DPP10: variants seen among roughly 807,000 people sequenced by gnomAD.
The protein encoded by DPP10 is dipeptidyl peptidase like 10.
A neutral mutation model predicts 120.9 loss-of-function variants in DPP10; 33 were observed. The observed-to-expected ratio is 0.27, with a 90% confidence interval of 0.21 to 0.37. DPP10 has a LOEUF of 0.37. Ranked by LOEUF, DPP10 falls within the 10% of genes least tolerant of loss-of-function variation. The pLI, the probability that DPP10 is intolerant of heterozygous loss-of-function variation, is 1.00. For missense variants in DPP10, 816 were observed against 942.8 expected (o/e 0.87, Z 1.76); for synonymous variants, 337 against 326.1 (o/e 1.03, Z -0.36).
intron 5 of DPP10, among the ~76,000 whole-genome samples, chr2:115,628,547 T>C (rs1442582490): frequency 1.3e-5 from 2 of 152,194 alleles, no homozygotes; most frequent in African/African-American, 4.8e-5. Context: ...TAATTTTTTC[T>C]TTTGTTGTAA....
At chr2:114,771,626 G>A (rs1226405247) in intron 1 of DPP10, among the ~76,000 whole-genome samples, 1 of 152,198 alleles carries the variant, frequency 6.6e-6, no homozygotes, top group Non-Finnish European at 1.5e-5. Flanking sequence ...GTGAATAGAA[G>A]GAAGGAGGCT....
intron 1 of DPP10, among the ~76,000 whole-genome samples, chr2:114,708,859 G>A (rs924450752): frequency 5.9e-5 from 9 of 152,074 alleles, no homozygotes; most frequent in Non-Finnish European, 1.2e-4. Context: ...GGGTTCAAGC[G>A]ATTCTCCGGC....
At chr2:114,507,917 G>A (rs1683812041) in intron 1 of DPP10, among the ~76,000 whole-genome samples, 3 of 152,154 alleles carry the variant, frequency 2.0e-5, no homozygotes, top group Admixed American at 2.0e-4. Context: ...GTATCCATAA[G>A]CATAGTAATT....
chr2:115,207,801 G>A (rs1478015151), intron 1 of DPP10, among the ~76,000 whole-genome samples: 4 of 151,878 alleles, frequency 2.6e-5, no homozygotes, highest in African/African-American at 9.7e-5. Context: ...TTTTTTTCAG[G>A]GTTATGCGAA....
intron 1 of DPP10, among the ~76,000 whole-genome samples, chr2:115,295,524 T>C (rs542134255): frequency 6.6e-6 from 1 of 152,178 alleles, no homozygotes; most frequent in East Asian, 1.9e-4. Flanking sequence ...ACACACAAAT[T>C]CTTAATATTT....
At chr2:114,805,976 C>G (rs1684687693) in intron 1 of DPP10, among the ~76,000 whole-genome samples, 2 of 152,168 alleles carry the variant, frequency 1.3e-5, no homozygotes, top group African/African-American at 4.8e-5. Context: ...TGAAAGGGCT[C>G]AAAACCTGGC....
intron 1 of DPP10, among the ~76,000 whole-genome samples, chr2:115,079,060 A>G (rs1402234180): frequency 1.3e-5 from 2 of 151,946 alleles, no homozygotes; most frequent in African/African-American, 2.4e-5. Flanking sequence ...TTGAGTGCCC[A>G]CTCTACACCG....
At chr2:114,518,320 C>T (rs1238948795) in intron 1 of DPP10, among the ~76,000 whole-genome samples, 1 of 152,062 alleles carries the variant, frequency 6.6e-6, no homozygotes, top group South Asian at 2.1e-4. Flanking sequence ...TCAGGTAGTC[C>T]ACCTGCCTCG....
At chr2:114,719,163 C>T (rs1701544550) in intron 1 of DPP10, among the ~76,000 whole-genome samples, 1 of 152,162 alleles carries the variant, frequency 6.6e-6, no homozygotes, top group African/African-American at 2.4e-5. Flanking sequence ...TTTAGCAAAA[C>T]ATTTGACTTT....
chr2:115,244,216 G>GTGTA (rs1264600615), intron 1 of DPP10, among the ~76,000 whole-genome samples: 1 of 119,858 alleles, frequency 8.3e-6, no homozygotes, highest in Non-Finnish European at 1.6e-5. Flanking sequence ...ATATGTGTGT[G>GTGTA]TATATATATA....
chr2:114,479,322 C>T (rs531165129), intron 1 of DPP10, among the ~76,000 whole-genome samples: 1 of 151,620 alleles, frequency 6.6e-6, no homozygotes, highest in South Asian at 2.1e-4. Flanking sequence ...TATGAGGAAT[C>T]ATTCTACCTG....
intron 5 of DPP10, among the ~76,000 whole-genome samples, chr2:115,590,413 C>A (rs546597388): frequency 6.6e-6 from 1 of 151,968 alleles, no homozygotes; most frequent in Non-Finnish European, 1.5e-5. Flanking sequence ...TGAGAACATG[C>A]GGTGTTTGGT....
chr2:114,612,777 A>ATTC (rs1218485986), intron 1 of DPP10, among the ~76,000 whole-genome samples: 3 of 152,162 alleles, frequency 2.0e-5, no homozygotes, highest in Admixed American at 2.0e-4. Context: ...AGCCTCCAAG[A>ATTC]TGTATGTTCT....
intron 16 of DPP10, among the ~76,000 whole-genome samples, chr2:115,781,770 T>A (rs1447214499): frequency 6.6e-6 from 1 of 151,882 alleles, no homozygotes; most frequent in African/African-American, 2.4e-5. Flanking sequence ...GAAAAAAAAA[T>A]TAGTTTTAGA....
chr2:115,324,160 C>T lies in DPP10; in HGVS notation c.175+14807C>T, dbSNP rs150972957. ...GCAGGGTGTCACGTGCCTATAGTCC[C>T]AGCTACTCGGGAGGCTGAGGCAGGA... On this transcript the variant is annotated intron_variant, in intron 2 of 25. Coordinates refer to ENST00000410059, the MANE Select transcript of DPP10 (RefSeq NM_020868.6). 5.9e-5 allele frequency among the ~76,000 whole-genome samples: 9 copies of T among 152,198 alleles called. 1 individual carries two copies. The highest frequency in any genetic ancestry group is 2.2e-4 in the African/African-American group (9 of 41,530).
At chr2:114,657,567 A>G (rs1472363234) in intron 1 of DPP10, among the ~76,000 whole-genome samples, 1 of 152,178 alleles carries the variant, frequency 6.6e-6, no homozygotes, top group Non-Finnish European at 1.5e-5. Context: ...CTTTATACAT[A>G]GTTTGAGCAT....
chr2:115,135,517 A>G (rs1014046466), intron 1 of DPP10, among the ~76,000 whole-genome samples: 4 of 152,142 alleles, frequency 2.6e-5, no homozygotes, highest in African/African-American at 7.2e-5. Context: ...GTGCTGCCCC[A>G]TGAGATAGTA....
intron 1 of DPP10, among the ~76,000 whole-genome samples, chr2:114,686,312 G>T (rs1699362907): frequency 6.6e-6 from 1 of 151,888 alleles, no homozygotes; most frequent in Non-Finnish European, 1.5e-5. Context: ...TTAGTGGATT[G>T]AGGTACATAT....
chr2:115,404,298 ACACT>A (rs1394521490), intron 3 of DPP10, among the ~76,000 whole-genome samples: 2 of 152,110 alleles, frequency 1.3e-5, no homozygotes, highest in Non-Finnish European at 1.5e-5. Context: ...TCTCATAAAA[ACACT>A]CACTATTGCA....
Sources: gnomAD v4.1 joint callset for allele counts (sites outside exome capture counted in the v4.1 genomes callset) on GRCh38, gnomAD v4.1.1 for gene constraint, MANE v1.5 for transcripts, NCBI Gene and HGNC (gene_info 2026-07-23, HGNC 2026-07-21) for gene names.